CDK14: variants seen among roughly 807,000 people sequenced by gnomAD.
The protein encoded by CDK14 is cyclin dependent kinase 14, also known as cyclin-dependent kinase 14.
CDK14 carries 34 observed loss-of-function variants against 60.7 expected under a neutral mutation model. The observed-to-expected ratio is 0.56, with a 90% CI of 0.43 to 0.75. CDK14 has a LOEUF of 0.75. Among genes scored for constraint, CDK14 ranks in the 30% least tolerant of loss-of-function variants. The probability of loss-of-function intolerance (pLI) is 0.00; values close to 1 mark genes in which losing one functional copy is unlikely to be tolerated. For missense variants in CDK14, 482 were observed against 564.1 expected (o/e 0.85, Z 1.47); for synonymous variants, 197 against 203.7 (o/e 0.97, Z 0.28).
chr7:90,627,781 T>C (rs539194695), intron 2 of CDK14, among the ~76,000 whole-genome samples: 36 of 152,294 alleles, frequency 2.4e-4, no homozygotes, highest in East Asian at 1.4e-3. Flanking sequence ...CCAATAGTGA[T>C]AAAAACTGCT....
chr7:91,116,451 G>A (rs988207508), intron 13 of CDK14, among the ~76,000 whole-genome samples: 4 of 152,098 alleles, frequency 2.6e-5, no homozygotes, highest in Non-Finnish European at 2.9e-5. Context: ...CAAGTGAGGT[G>A]GGCACAGTAG....
chr7:90,686,153 A>G (rs771977122), intron 2 of CDK14, among the ~76,000 whole-genome samples: 1 of 152,172 alleles, frequency 6.6e-6, no homozygotes, highest in Admixed American at 6.5e-5. Flanking sequence ...AGATTAATAC[A>G]TAGTTCTCAA....
chr7:91,209,012 T>C lies in CDK14; in HGVS notation c.*1876T>C, dbSNP rs899401381. 2.6e-5 allele frequency: 4 copies of C among 152,632 alleles called. No individual in the cohort carries two copies. Among genetic ancestry groups the C allele is most frequent in the Admixed American group, 2.0e-4 (3 of 15,282 alleles). The allele number at this position is 152,632 out of a possible 1,614,324, so 9.5% of individuals were successfully genotyped here. On this transcript the variant is annotated 3_prime_UTR_variant, in exon 15 of 15. Transcript: ENST00000380050. ...GATTTAAAGTATACTTAAATTAGGA[T>C]TTCTTAAAGAAAACATAGGGAGAAA...
At chr7:91,146,446 T>C (rs943134760) in intron 14 of CDK14, among the ~76,000 whole-genome samples, 29 of 150,356 alleles carry the variant, frequency 1.9e-4, no homozygotes, top group African/African-American at 6.8e-4. Flanking sequence ...GGTGATCTGC[T>C]TGCCTCAGCC....
intron 3 of CDK14, among the ~76,000 whole-genome samples, chr7:90,742,409 G>A (rs1304985489): frequency 2.0e-4 from 30 of 151,860 alleles, no homozygotes; most frequent in Admixed American, 1.9e-3. Context: ...AAAAACATTC[G>A]TTCTTAAACT....
At chr7:91,025,604 T>G (rs1796546948) in intron 10 of CDK14, among the ~76,000 whole-genome samples, 2 of 152,228 alleles carry the variant, frequency 1.3e-5, no homozygotes, top group Non-Finnish European at 2.9e-5. Flanking sequence ...GGTTGCTGCC[T>G]TCTTCTGACA....
chr7:90,890,150 A>T (rs1362900047), intron 6 of CDK14, among the ~76,000 whole-genome samples: 1 of 152,228 alleles, frequency 6.6e-6, no homozygotes. Flanking sequence ...GGGTGGAAGG[A>T]TCACCTAAGA....
chr7:91,009,626 T>C (rs1342023848), intron 10 of CDK14, among the ~76,000 whole-genome samples: 1 of 152,192 alleles, frequency 6.6e-6, no homozygotes, highest in Admixed American at 6.5e-5. Context: ...TTGTTTTCCA[T>C]CTATATGTCT....
intron 14 of CDK14, among the ~76,000 whole-genome samples, chr7:91,173,464 G>A (rs1018458843): frequency 9.2e-5 from 14 of 151,502 alleles, no homozygotes; most frequent in African/African-American, 1.9e-4. Flanking sequence ...CAAGATGGCC[G>A]AATAGGAACA....
chr7:91,121,064 A>G (rs540312332), intron 14 of CDK14, among the ~76,000 whole-genome samples: 33 of 152,188 alleles, frequency 2.2e-4, no homozygotes, highest in African/African-American at 7.5e-4. Flanking sequence ...AATATAGCCT[A>G]TTTATTGGCC....
chr7:91,184,204 TAAAAAAAAA>T (rs59565390), intron 14 of CDK14, among the ~76,000 whole-genome samples: 2 of 36,678 alleles, frequency 5.5e-5, no homozygotes, highest in Admixed American at 5.0e-4. Context: ...GGCTCCGTCT[TAAAAAAAAA>T]AAAAAAAAAA....
intron 2 of CDK14, among the ~76,000 whole-genome samples, chr7:90,719,570 AT>A (rs1802369432): frequency 6.6e-6 from 1 of 152,164 alleles, no homozygotes; most frequent in Non-Finnish European, 1.5e-5. Flanking sequence ...ATTTCTAACA[AT>A]TTTTACTCAG....
chr7:90,893,372 AG>A (rs1792198458), intron 6 of CDK14, among the ~76,000 whole-genome samples: 1 of 152,200 alleles, frequency 6.6e-6, no homozygotes, highest in South Asian at 2.1e-4. Context: ...CGTAGTTACC[AG>A]GGGTCTAGTC....
Position 90,768,006 on chromosome 7 carries a change from G to A in CDK14, c.464+20231G>A, listed in dbSNP as rs758820244. The stretch of plus-strand genomic sequence containing the variant: ...CACTTCCTTGTACATTCATATCTAC[G>A]TAGGTATATTTATATTGTTTACACG... On this transcript the variant is annotated intron_variant, in intron 4 of 14. Coordinates refer to ENST00000380050, the MANE Select transcript of CDK14 (RefSeq NM_001287135.2). Among the ~76,000 whole-genome samples, 27 of 152,204 alleles carry A rather than the reference G, an allele frequency of 1.8e-4. No homozygotes were observed. The Middle Eastern group carries it at 0.014, about 77-fold the overall frequency.
At chr7:91,175,570 C>T (rs1279217292) in intron 14 of CDK14, among the ~76,000 whole-genome samples, 6 of 151,998 alleles carry the variant, frequency 3.9e-5, no homozygotes, top group South Asian at 4.2e-4. Flanking sequence ...ACCCATCTCA[C>T]GTGCAGAGAC....
chr7:91,189,372 G>A (rs1445518586), intron 14 of CDK14, among the ~76,000 whole-genome samples: 1 of 152,138 alleles, frequency 6.6e-6, no homozygotes, highest in Non-Finnish European at 1.5e-5. Context: ...ATATTGTAAA[G>A]TATGCAGATA....
chr7:90,726,191 A>ATT (rs1802626505), intron 2 of CDK14: 1 of 340,342 alleles, frequency 2.9e-6, no homozygotes, highest in African/African-American at 2.2e-5. Context: ...TGATTTGCCT[A>ATT]TTTTTTGTTT....
At chr7:90,888,210 C>T (rs1203636130) in intron 6 of CDK14, among the ~76,000 whole-genome samples, 2 of 151,896 alleles carry the variant, frequency 1.3e-5, no homozygotes, top group Non-Finnish European at 2.9e-5. Context: ...ATTAGCTGGG[C>T]ATGGTGGCTT....
At chr7:90,649,229 G>A (rs761496504) in intron 2 of CDK14, among the ~76,000 whole-genome samples, 130 of 128,122 alleles carry the variant, frequency 1.0e-3, no homozygotes, top group Non-Finnish European at 1.7e-3. Flanking sequence ...AACAGCTCTA[G>A]CCTATAGTTT....
Sources: allele counts gnomAD v4.1 joint callset (sites outside exome capture counted in the v4.1 genomes callset), GRCh38; gene constraint gnomAD v4.1.1; transcripts MANE v1.5; gene names NCBI Gene and HGNC (gene_info 2026-07-23, HGNC 2026-07-21).